The following HNMT variants were observed in gnomAD, a reference collection of about 807,000 sequenced individuals.
The protein encoded by HNMT is histamine N-methyltransferase.
HNMT carries 30 observed loss-of-function variants against 32.1 expected under a neutral mutation model. That is an observed-to-expected ratio of 0.93 (90% CI 0.70 to 1.27). The LOEUF (loss-of-function observed/expected upper bound fraction) is 1.27, where lower values mean the gene tolerates loss of function less well. Ranked by LOEUF, HNMT falls within the 50% of genes most tolerant of loss-of-function variation. The pLI, the probability that HNMT is intolerant of heterozygous loss-of-function variation, is 0.00. For missense variants in HNMT, 327 were observed against 346.0 expected (o/e 0.95, Z 0.43); for synonymous variants, 125 against 119.0 (o/e 1.05, Z -0.33).
intron 2 of HNMT, among the ~76,000 whole-genome samples, chr2:137,997,343 C>G (rs938134376): frequency 2.6e-5 from 4 of 151,836 alleles, no homozygotes; most frequent in Non-Finnish European, 2.9e-5. Context: ...AAAAGCCACC[C>G]CATCAAAAAC....
intron 2 of HNMT, among the ~76,000 whole-genome samples, chr2:137,988,992 C>G (rs1680735552): frequency 6.6e-6 from 1 of 152,072 alleles, no homozygotes; most frequent in African/African-American, 2.4e-5. Context: ...CCATACAACC[C>G]CTGCTCTCAA....
chr2:137,970,851 C>T (rs1186435553), intron 2 of HNMT, among the ~76,000 whole-genome samples: 1 of 143,758 alleles, frequency 7.0e-6, no homozygotes, highest in Non-Finnish European at 1.5e-5. Flanking sequence ...ATCCTGGAGG[C>T]GGAGCTTGCA....
In HNMT at chr2:138,013,818, C is replaced by T. The variant is rs148053879; in HGVS notation, c.567C>T (p.Arg189=). ...WDKLWKKYGS[R]FPQDDLCQYI... ...AGCTGTGGAAAAAGTACGGATCACGCTTTCCCCAGGATGACCTCTGCCAGT... is the reference window on the plus strand; with the variant it reads ...AGCTGTGGAAAAAGTACGGATCACGTTTTCCCCAGGATGACCTCTGCCAGT... Residue 189 remains arginine (R), a synonymous_variant, in exon 6 of 6, where the codon CGC becomes CGT. Transcript: ENST00000280097. 1.2e-5 allele frequency: 20 copies of T among 1,613,404 alleles called. No individual in the cohort carries two copies. In the African/African-American group the frequency reaches 2.0e-4, roughly 16 times the overall value.
In HNMT at chr2:138,005,162, A is replaced by G; in HGVS notation, c.460A>G (p.Thr154Ala). The G allele has an allele frequency of 1.3e-6, 2 of 1,598,934 alleles. No individual in the cohort carries two copies. Among genetic ancestry groups the G allele is most frequent in the Non-Finnish European group, 8.6e-7 (1 of 1,166,774 alleles). Residue 154 changes from threonine (T) to alanine (A), a missense_variant, in exon 5 of 6, where the codon ACC becomes GCC. Physicochemically the swap from Thr to Ala is moderately conservative, Grantham distance 58. Coordinates refer to ENST00000280097, the MANE Select transcript of HNMT (RefSeq NM_006895.3). ...GTATTATGTAAAAGACATCCCAGCT[A>G]CCCTGAAATTCTTCCATAGTCTCTT... ...MLYYVKDIPA[T>A]LKFFHSLLGT...
intron 5 of HNMT, among the ~76,000 whole-genome samples, chr2:138,012,368 C>A (rs987165455): frequency 2.0e-5 from 3 of 152,060 alleles, no homozygotes; most frequent in Non-Finnish European, 2.9e-5. Flanking sequence ...TATTCCGTAG[C>A]TTCTCTGCAG....
chr2:138,014,121 T>TGAGGCC lies in HNMT; in HGVS notation c.875_876insCGAGGC (p.Glu291_Ala292dup), dbSNP rs753167584. 2 of 1,548,048 alleles carry TGAGGCC rather than the reference T, an allele frequency of 1.3e-6. No individual in the cohort carries two copies. The highest frequency in any genetic ancestry group is 1.8e-6 in the Non-Finnish European group (2 of 1,133,040). On this transcript the variant is annotated inframe_insertion, in exon 6 of 6. Coordinates refer to ENST00000280097, the MANE Select transcript of HNMT (RefSeq NM_006895.3). ...ATAATACTCTGAGTTTCATAGTGAT[T>TGAGGCC]GAGGCATAACTATCAATCACAAAAG... is the stretch of plus-strand genomic sequence containing the variant.
chr2:137,979,396 G>A (rs543382523), intron 2 of HNMT, among the ~76,000 whole-genome samples: 6 of 151,784 alleles, frequency 4.0e-5, no homozygotes, highest in African/African-American at 7.2e-5. Context: ...TCAGCCTCCC[G>A]CGTAGCTGGG....
chr2:137,967,182 G>T, intron 1 of HNMT: 3 of 754,214 alleles, frequency 4.0e-6, no homozygotes, highest in African/African-American at 1.7e-5. Context: ...AGGCTGAGGC[G>T]GGAGGATTAC....
Position 138,003,571 on chromosome 2 carries a change from A to G in HNMT, c.429+1377A>G, listed in dbSNP as rs553794136. 1.2e-4 allele frequency among the ~76,000 whole-genome samples: 18 copies of G among 152,200 alleles called. No individual in the cohort carries two copies. The South Asian group carries it at 3.7e-3, about 32-fold the overall frequency. On this transcript the variant is annotated intron_variant, in intron 4 of 5. Coordinates refer to ENST00000280097, the MANE Select transcript of HNMT (RefSeq NM_006895.3). The stretch of plus-strand genomic sequence containing the variant: ...CAGGTAGTACTTATCACTGTCCAGG[A>G]TGCCAAGATATTTCTCTACCAGACT...
chr2:137,972,911 A>T lies in HNMT; in HGVS notation c.190+2694A>T, dbSNP rs113282110. Among the ~76,000 whole-genome samples, 1,027 of 152,318 alleles carry T rather than the reference A, an allele frequency of 6.7e-3. 7 individuals carry two copies. The highest frequency in any genetic ancestry group is 0.023 in the African/African-American group (974 of 41,570). On this transcript the variant is annotated intron_variant, in intron 2 of 5. Transcript: ENST00000280097. ...GCTTATAAGCTATCTAGAGAAAGGAACGTTTGGCCTGCACAGTGAGTCCTT... is the reference window on the plus strand; with the variant it reads ...GCTTATAAGCTATCTAGAGAAAGGATCGTTTGGCCTGCACAGTGAGTCCTT...
intron 2 of HNMT, among the ~76,000 whole-genome samples, chr2:137,991,223 G>A (rs1680806544): frequency 6.6e-6 from 1 of 152,194 alleles, no homozygotes; most frequent in Non-Finnish European, 1.5e-5. Context: ...TTCACTATCT[G>A]GAAGCTCTTC....
chr2:137,986,259 T>A (rs184261953), intron 2 of HNMT, among the ~76,000 whole-genome samples: 22 of 150,182 alleles, frequency 1.5e-4, no homozygotes, highest in African/African-American at 5.3e-4. Flanking sequence ...ATAATATAAA[T>A]ACAATTTATA....
intron 2 of HNMT, among the ~76,000 whole-genome samples, chr2:137,994,724 G>T (rs186208581): frequency 2.0e-5 from 3 of 152,188 alleles, no homozygotes; most frequent in South Asian, 4.2e-4. Context: ...TACATTCTTC[G>T]CAATGCCACT....
At position 137,977,907 on chromosome 2, in the gene HNMT, T is replaced by G. The variant is rs73961906; in HGVS notation, c.190+7690T>G. Among the ~76,000 whole-genome samples, 1,325 of 152,142 alleles carry G rather than the reference T, an allele frequency of 8.7e-3. 23 individuals carry two copies. The highest frequency in any genetic ancestry group is 0.03 in the African/African-American group (1,265 of 41,502). ...TACTGCTTCAGTGCTTTCTCCTGGA[T>G]ATCCCACCTTGCCTCCCCACCCCCC... On this transcript the variant is annotated intron_variant, in intron 2 of 5. Coordinates refer to ENST00000280097, the MANE Select transcript of HNMT (RefSeq NM_006895.3).
At chr2:137,984,443 A>G (rs1680592571) in intron 2 of HNMT, among the ~76,000 whole-genome samples, 2 of 152,008 alleles carry the variant, frequency 1.3e-5, no homozygotes, top group African/African-American at 4.8e-5. Flanking sequence ...TGCCATTTTA[A>G]TTTTCATCTC....
At chr2:138,000,095 C>G (rs985322) in intron 2 of HNMT, among the ~76,000 whole-genome samples, 2,924 of 152,198 alleles carry the variant, frequency 0.019, 96 homozygotes, top group African/African-American at 0.067. Context: ...GAAGTCCTGC[C>G]TTGCTCAATA....
rs566539962 is a variant in HNMT, at chr2:137,981,832, C to T, written c.190+11615C>T. 4.6e-5 allele frequency among the ~76,000 whole-genome samples: 7 copies of T among 152,196 alleles called. No homozygotes were observed. The South Asian group carries it at 1.5e-3, about 32-fold the overall frequency. ...GAATAAGAAATTTGCGTTCTTTTGT[C>T]TCTCTACAGGCTTCTTCTTATTATT... On this transcript the variant is annotated intron_variant, in intron 2 of 5. Coordinates refer to ENST00000280097, the MANE Select transcript of HNMT (RefSeq NM_006895.3).
chr2:137,972,975 A>T (rs1227024376), intron 2 of HNMT, among the ~76,000 whole-genome samples: 2 of 152,224 alleles, frequency 1.3e-5, no homozygotes, highest in African/African-American at 4.8e-5. Flanking sequence ...AGAGAACTTA[A>T]CAAAATAAAG....
intron 2 of HNMT, among the ~76,000 whole-genome samples, chr2:137,983,090 T>C (rs945936590): frequency 1.1e-4 from 17 of 152,196 alleles, no homozygotes; most frequent in African/African-American, 4.1e-4. Context: ...CATCCATAAA[T>C]ATCATGCAGA....
Sources: gnomAD v4.1 joint callset for allele counts (sites outside exome capture counted in the v4.1 genomes callset) on GRCh38, gnomAD v4.1.1 for gene constraint, MANE v1.5 for transcripts, NCBI Gene and HGNC (gene_info 2026-07-23, HGNC 2026-07-21) for gene names.